Variants in DDX1 observed in about 807,000 individuals in gnomAD.
DDX1 encodes ATP-dependent RNA helicase DDX1.
A neutral mutation model predicts 108.7 loss-of-function variants in DDX1; 28 were observed. That is an observed-to-expected ratio of 0.26 (90% CI 0.19 to 0.35). DDX1 has a LOEUF of 0.35. Ranked by LOEUF, DDX1 falls within the 10% of genes least tolerant of loss-of-function variation. DDX1 has a pLI of 1.00. For missense variants in DDX1, 710 were observed against 884.5 expected, an observed-to-expected ratio of 0.80 and a Z score of 2.50; for synonymous variants, 295 against 288.9, an observed-to-expected ratio of 1.02 and a Z score of -0.21.
Position 15,630,100 on chromosome 2 carries a change from G to T in DDX1, c.2082G>T (p.Arg694Ser). Residue 694 changes from arginine (R) to serine (S), a missense_variant, in exon 25 of 26, where the codon AGG becomes AGT. Physicochemically the swap from Arg to Ser is moderately radical, Grantham distance 110. Coordinates refer to ENST00000233084, the MANE Select transcript of DDX1 (RefSeq NM_004939.3). ...GGAAAGTTACCTACGGTCAGAAAAG[G>T]GCTGCTGGTGGTAAGCTTTGAATTA... ...FDGKVTYGQK[R>S]AAGGGSYKGH... 6.2e-7 allele frequency: 1 copy of T among 1,612,904 alleles called. No individual in the cohort carries two copies. Among genetic ancestry groups the T allele is most frequent in the South Asian group, 1.1e-5 (1 of 90,672 alleles).
rs1290865594 is a variant in DDX1 at position 15,606,243 on chromosome 2, A to G, written c.796A>G (p.Ile266Val). 1.9e-6 allele frequency: 3 copies of G among 1,613,630 alleles called. No homozygotes were observed. The highest frequency in any genetic ancestry group is 2.5e-6 in the Non-Finnish European group (3 of 1,179,580). Residue 266 changes from isoleucine to valine, a missense_variant, in exon 12 of 26, where the codon ATT (isoleucine) becomes GTT (valine). Transcript: ENST00000233084. Reference protein sequence around the residue: ...VALSKAPDGYIVKSQHSGNAQ... With the variant: ...VALSKAPDGYVVKSQHSGNAQ... ...TCTTTCCAAGGCACCGGATGGTTAC[A>G]TTGTCAAATCACAGCACTCAGGTAT...
At chr2:15,627,845 A>C (rs548321202) in intron 20 of DDX1, among the ~76,000 whole-genome samples, 235 of 152,270 alleles carry the variant, frequency 1.5e-3, no homozygotes, top group African/African-American at 5.4e-3. Flanking sequence ...CCTCGTTTGA[A>C]TGTGTGCTAC....
chr2:15,602,272 G>A (rs905463195), intron 6 of DDX1, among the ~76,000 whole-genome samples: 1 of 152,176 alleles, frequency 6.6e-6, no homozygotes, highest in Non-Finnish European at 1.5e-5. Flanking sequence ...TTCTAGACTT[G>A]TTGCTGTAAA....
Position 15,631,004 on chromosome 2 carries a change from C to T in DDX1, c.*98C>T, listed in dbSNP as rs1331936259. 24 of 1,181,410 alleles carry T rather than the reference C, an allele frequency of 2.0e-5. No homozygotes were observed. Among genetic ancestry groups the T allele is most frequent in the East Asian group, 4.9e-5 (2 of 40,930 alleles). The allele number at this position is 1,181,410 out of a possible 1,614,324, so 73.2% of individuals were successfully genotyped here. A position where few individuals can be genotyped will look rare whatever the true frequency, so the allele number is the denominator to read the frequency against. On this transcript the variant is annotated 3_prime_UTR_variant, in exon 26 of 26. Transcript: ENST00000233084. Reference sequence around the variant, plus strand: ...TTCCAAGCAGCAGTATTTATAGTAACGTAAGCTATTAATGCTAACTCTTGC... The same window carrying T: ...TTCCAAGCAGCAGTATTTATAGTAATGTAAGCTATTAATGCTAACTCTTGC...
At chr2:15,619,439 A>G (rs557072494) in intron 16 of DDX1, among the ~76,000 whole-genome samples, 10 of 151,848 alleles carry the variant, frequency 6.6e-5, no homozygotes, top group African/African-American at 2.4e-4. Context: ...GGGCACAGGG[A>G]ACCCACCACC....
At chr2:15,607,435 G>A in intron 13 of DDX1, 122 bp downstream of exon 13, 1 of 728,564 alleles carries the variant, frequency 1.4e-6, no homozygotes, top group Non-Finnish European at 2.2e-6. Flanking sequence ...ACGTGTGTGA[G>A]TATGTAAATA....
chr2:15,610,319 T>G (rs4668942), intron 13 of DDX1, among the ~76,000 whole-genome samples: 1 of 152,066 alleles, frequency 6.6e-6, no homozygotes, highest in Non-Finnish European at 1.5e-5. Flanking sequence ...TGTTTTGATG[T>G]TGTAGTTAAG....
chr2:15,598,121 A>C, intron 5 of DDX1, among the ~76,000 whole-genome samples: 1 of 152,268 alleles, frequency 6.6e-6, no homozygotes, highest in Middle Eastern at 3.4e-3. Context: ...TATTTTAATA[A>C]TATTTTTTCC....
chr2:15,597,278 A>G lies in DDX1; in HGVS notation c.163-97A>G, dbSNP rs1281028819. ...GTAGCAATCTGGAATATGTATGATT[A>G]GTTGATGTGTGTGCATAACTTTTGT... On this transcript the variant is annotated intron_variant, in intron 4 of 25. Transcript: ENST00000233084. 1.4e-5 allele frequency: 10 copies of G among 740,576 alleles called. No individual in the cohort carries two copies. In the African/African-American group the frequency reaches 1.7e-4, roughly 12 times the overall value. 45.9% of individuals were successfully genotyped at this position (740,576 alleles called of 1,614,324 possible). A position where few individuals can be genotyped will look rare whatever the true frequency, so the allele number is the denominator to read the frequency against.
At chr2:15,610,337 A>G (rs745988158) in intron 13 of DDX1, among the ~76,000 whole-genome samples, 30 of 152,188 alleles carry the variant, frequency 2.0e-4, no homozygotes, top group Non-Finnish European at 3.4e-4. Flanking sequence ...AAGATAGACT[A>G]TGCCTAACCC....
intron 16 of DDX1, among the ~76,000 whole-genome samples, chr2:15,619,642 G>C (rs1394581920): frequency 6.6e-6 from 1 of 152,166 alleles, no homozygotes; most frequent in Non-Finnish European, 1.5e-5. Flanking sequence ...TTACGTTACT[G>C]GACGAAATAG....
chr2:15,595,544 T>G lies in DDX1; in HGVS notation c.123T>G (p.Asp41Glu). 6.2e-7 allele frequency: 1 copy of G among 1,608,144 alleles called. No individual in the cohort carries two copies. The highest frequency in any genetic ancestry group is 8.5e-7 in the Non-Finnish European group (1 of 1,174,538). The part of the protein sequence containing the change: ...ESIPLILGGG[D>E]VLMAAETGSG... ...TCCCATTGATCTTAGGAGGAGGTGATGTACTTATGGTAAGTTTAAATTTGG... is the reference window on the plus strand; with the variant it reads ...TCCCATTGATCTTAGGAGGAGGTGAGGTACTTATGGTAAGTTTAAATTTGG... Residue 41 changes from aspartate (D) to glutamate (E), a missense_variant, in exon 3 of 26, where the codon GAT (aspartate) becomes GAG (glutamate). Transcript: ENST00000233084.
chr2:15,613,194 T>C lies in DDX1; in HGVS notation c.957-30T>C, dbSNP rs540156050. On this transcript the variant is annotated intron_variant, in intron 13 of 25. Coordinates refer to ENST00000233084, the MANE Select transcript of DDX1 (RefSeq NM_004939.3). ...TAAAGCAGACTTTAATTTTTTTTTT[T>C]TTATATTATCATCTTGATATTTATT... The C allele has an allele frequency of 2.0e-5, 30 of 1,491,608 alleles. 1 individual carries two copies. In the Middle Eastern group the frequency reaches 1.2e-3, roughly 61 times the overall value. 92.4% of individuals were successfully genotyped at this position (1,491,608 alleles called of 1,614,324 possible).
rs2302931 is a variant in DDX1, at chr2:15,597,356, C to A, written c.163-19C>A. 0.18 allele frequency: 262,484 copies of A among 1,473,720 alleles called. 26,722 individuals are homozygous for A. Among genetic ancestry groups the A allele is most frequent in the African/African-American group, 0.42 (29,763 of 70,354 alleles). 91.3% of individuals were successfully genotyped at this position (1,473,720 alleles called of 1,614,324 possible). ...TAATATGTGAATACTAATATAGATA[C>A]CTTTTGTTTCTTTGATAGGCTTTTA... On this transcript the variant is annotated intron_variant, in intron 4 of 25. Coordinates refer to ENST00000233084, the MANE Select transcript of DDX1 (RefSeq NM_004939.3).
intron 1 of DDX1, among the ~76,000 whole-genome samples, chr2:15,593,685 G>C (rs1054340055): frequency 4.6e-5 from 7 of 152,084 alleles, no homozygotes; most frequent in African/African-American, 1.7e-4. Flanking sequence ...AGAGAACATA[G>C]ACTGTAATAC....
chr2:15,613,286 TA>T lies in DDX1; in HGVS notation c.1017+4del. On this transcript the variant is annotated splice_donor_region_variant and intron_variant, in intron 14 of 25. Transcript: ENST00000233084. Reference sequence around the variant, plus strand: ...CAGCTCTCTGTTTTGGAAAATGGAGTAAGTTGTAGTTTTAATTTTTAAAACA... The same window carrying T: ...CAGCTCTCTGTTTTGGAAAATGGAGTAGTTGTAGTTTTAATTTTTAAAACA... 6.3e-7 allele frequency: 1 copy of T among 1,596,898 alleles called. No individual in the cohort carries two copies. The highest frequency in any genetic ancestry group is 8.5e-7 in the Non-Finnish European group (1 of 1,171,172).
At chr2:15,612,505 C>T (rs1237809726) in intron 13 of DDX1, among the ~76,000 whole-genome samples, 28 of 151,216 alleles carry the variant, frequency 1.9e-4, no homozygotes, top group African/African-American at 1.7e-4. Context: ...CGGGCAGAGA[C>T]GCTCCTCACT....
intron 2 of DDX1, 100 bp from the exon 3 acceptor site, chr2:15,595,390 T>A: frequency 9.7e-7 from 1 of 1,025,652 alleles, no homozygotes; most frequent in Non-Finnish European, 1.5e-6. Context: ...GGATCGTATT[T>A]ACCACGTAAA....
At chr2:15,604,691 G>A (rs1665637226) in intron 10 of DDX1, among the ~76,000 whole-genome samples, 182 bp downstream of exon 10, 1 of 152,154 alleles carries the variant, frequency 6.6e-6, no homozygotes, top group South Asian at 2.1e-4. Flanking sequence ...AGGCACAGAA[G>A]AAAATGGAAT....
Sources: allele counts gnomAD v4.1 joint callset (sites outside exome capture counted in the v4.1 genomes callset), GRCh38; gene constraint gnomAD v4.1.1; transcripts MANE v1.5; gene names NCBI Gene and HGNC (gene_info 2026-07-23, HGNC 2026-07-21).